MSTO1: variants seen among roughly 807,000 people sequenced by gnomAD.
MSTO1 encodes the protein misato mitochondrial distribution and morphology regulator 1, also known as protein misato homolog 1.
Under a neutral mutation model 55.7 loss-of-function variants are expected in MSTO1, and 24 were observed. That is an observed-to-expected ratio of 0.43 (90% CI 0.31 to 0.61). The LOEUF (loss-of-function observed/expected upper bound fraction) is 0.61. MSTO1 is among the 20% of genes least tolerant of loss of function. MSTO1 has a pLI of 0.09. For missense variants in MSTO1, 363 were observed against 625.7 expected, an observed-to-expected ratio of 0.58 and a Z score of 4.48; for synonymous variants, 162 against 252.8, an observed-to-expected ratio of 0.64 and a Z score of 3.41.
chr1:155,584,457 A>G, the MSTO1 span, among the ~76,000 whole-genome samples: 1 of 151,988 alleles, frequency 6.6e-6, no homozygotes, highest in East Asian at 1.9e-4. Flanking sequence ...GCTTGAGCCC[A>G]GGAGTTCAAG....
chr1:155,564,904 G>A, the MSTO1 span, among the ~76,000 whole-genome samples: 56 of 152,168 alleles, frequency 3.7e-4, no homozygotes, highest in African/African-American at 1.3e-3. Context: ...CATGGATCAC[G>A]AGGTCACAAG....
chr1:155,571,754 A>T, the MSTO1 span, among the ~76,000 whole-genome samples: 1 of 152,158 alleles, frequency 6.6e-6, no homozygotes, highest in African/African-American at 2.4e-5. Flanking sequence ...AAACAATGAA[A>T]TTACTCTTTG....
chr1:155,569,869 G>C, the MSTO1 span, among the ~76,000 whole-genome samples: 7 of 152,066 alleles, frequency 4.6e-5, no homozygotes. Context: ...AACATCCCAA[G>C]TTTGAAAATC....
chr1:155,565,596 A>G, the MSTO1 span, among the ~76,000 whole-genome samples: 2 of 152,144 alleles, frequency 1.3e-5, no homozygotes, highest in Admixed American at 1.3e-4. Flanking sequence ...TCTCATCAGC[A>G]GCATAATTGC....
chr1:155,564,640 C>G, the MSTO1 span, among the ~76,000 whole-genome samples: 2 of 152,208 alleles, frequency 1.3e-5, no homozygotes, highest in African/African-American at 2.4e-5. Context: ...TTAATTACCT[C>G]ATTGTATATT....
At chr1:155,563,282 G>C in the MSTO1 span, 1 of 456,268 alleles carries the variant, frequency 2.2e-6, no homozygotes, top group Admixed American at 2.4e-5. Flanking sequence ...CTGGTCGCAG[G>C]CGGTGTGTGC....
Position 155,612,269 on chromosome 1 carries a change from C to T in MSTO1, c.766C>T (p.Arg256Trp), listed in dbSNP as rs367885512. The change falls in exon 8 of 14, where the codon CGG becomes TGG. Residue 256 changes from arginine (R) to tryptophan (W), a missense_variant. Arg to Trp is a moderately radical substitution (Grantham distance 101, BLOSUM62 -3). Transcript: ENST00000245564. ...GCTGCTACAAGATGAATATTCAGGG[C>T]GGGGAATAATAACCTGGGGCCTGCT... ...AELLQDEYSG[R>W]GIITWGLLPG... 1.7e-5 allele frequency: 27 copies of T among 1,591,126 alleles called. No individual in the cohort carries two copies. The highest frequency in any genetic ancestry group is 5.2e-5 in the Admixed American group (3 of 57,900).
At chr1:155,589,177 A>G in the MSTO1 span, among the ~76,000 whole-genome samples, 1 of 152,092 alleles carries the variant, frequency 6.6e-6, no homozygotes, top group Non-Finnish European at 1.5e-5. Flanking sequence ...ACACACCTGT[A>G]ATCCCAGCTA....
At chr1:155,597,515 CT>C in the MSTO1 span, among the ~76,000 whole-genome samples, 450 of 142,384 alleles carry the variant, frequency 3.2e-3, no homozygotes, top group Middle Eastern at 0.011. Context: ...TAATTGCAAA[CT>C]TTTTTTTTTT....
chr1:155,591,163 T>C, the MSTO1 span: 1 of 1,613,236 alleles, frequency 6.2e-7, no homozygotes, highest in Non-Finnish European at 8.5e-7. Flanking sequence ...CCGATGAAAG[T>C]GGTCACTTTC....
the MSTO1 span, among the ~76,000 whole-genome samples, chr1:155,564,892 C>T: frequency 6.6e-6 from 1 of 152,098 alleles, no homozygotes; most frequent in African/African-American, 2.4e-5. Flanking sequence ...GAGGCCAAGG[C>T]GCATGGATCA....
chr1:155,587,700 C>T, the MSTO1 span, among the ~76,000 whole-genome samples: 4 of 144,678 alleles, frequency 2.8e-5, no homozygotes, highest in Non-Finnish European at 6.0e-5. Context: ...GCCGAGATCG[C>T]GCCACTGCAC....
chr1:155,594,162 G>A, the MSTO1 span, among the ~76,000 whole-genome samples: 1 of 152,066 alleles, frequency 6.6e-6, no homozygotes, highest in Non-Finnish European at 1.5e-5. Flanking sequence ...AGTACTTTGG[G>A]AGACCGAGGC....
the MSTO1 span, among the ~76,000 whole-genome samples, chr1:155,568,619 T>C: frequency 6.6e-6 from 1 of 151,482 alleles, no homozygotes; most frequent in Non-Finnish European, 1.5e-5. Context: ...TTTGTGTTTT[T>C]AGTAGAGACA....
At chr1:155,576,301 A>G in the MSTO1 span, among the ~76,000 whole-genome samples, 7 of 151,862 alleles carry the variant, frequency 4.6e-5, no homozygotes, top group Admixed American at 3.3e-4. Context: ...TTCGTTATCT[A>G]TTTATAGTTT....
chr1:155,571,047 C>T, the MSTO1 span, among the ~76,000 whole-genome samples: 2 of 152,094 alleles, frequency 1.3e-5, no homozygotes, highest in Non-Finnish European at 2.9e-5. Flanking sequence ...TGAGGTTGGC[C>T]GGACACAATG....
the MSTO1 span, among the ~76,000 whole-genome samples, chr1:155,572,664 T>C: frequency 6.6e-6 from 1 of 152,172 alleles, no homozygotes; most frequent in Middle Eastern, 3.4e-3. Flanking sequence ...TTTTTCTTTT[T>C]TTTGAGATGG....
the MSTO1 span, chr1:155,598,883 A>T: frequency 2.7e-6 from 4 of 1,457,202 alleles, no homozygotes; most frequent in Non-Finnish European, 3.8e-6. Flanking sequence ...TTCTGTGCAA[A>T]ACAGGACTGG....
At chr1:155,608,048 C>A (rs1405628515), upstream of MSTO1, among the ~76,000 whole-genome samples, 2 of 152,236 alleles carry the variant, frequency 1.3e-5, no homozygotes, top group East Asian at 3.9e-4. Flanking sequence ...ACAAAGAGCT[C>A]AGAAGAGATA....
Sources: allele counts gnomAD v4.1 joint callset (sites outside exome capture counted in the v4.1 genomes callset), GRCh38; gene constraint gnomAD v4.1.1; transcripts MANE v1.5; gene names NCBI Gene and HGNC (gene_info 2026-07-23, HGNC 2026-07-21).